Variants in RAB11FIP4 observed in about 807,000 individuals in gnomAD.
The protein encoded by RAB11FIP4 is rab11 family-interacting protein 4.
In RAB11FIP4, 23 loss-of-function variants were observed where a neutral mutation model predicts 74.3. The observed-to-expected ratio is 0.31, with a 90% CI of 0.22 to 0.44. RAB11FIP4 has a LOEUF of 0.44. Among genes scored for constraint, RAB11FIP4 ranks in the 20% least tolerant of loss-of-function variants. The pLI is 1.00. For missense variants in RAB11FIP4, 630 were observed against 863.9 expected (o/e 0.73, Z 3.39); for synonymous variants, 360 against 359.9 (o/e 1.00, Z 0.00).
chr17:31,449,441 CAA>C (rs2071503261), intron 3 of RAB11FIP4, among the ~76,000 whole-genome samples: 1 of 152,174 alleles, frequency 6.6e-6, no homozygotes. Context: ...CTATTTCCTC[CAA>C]AGACTGGTCT....
intron 1 of RAB11FIP4, among the ~76,000 whole-genome samples, chr17:31,398,840 G>A (rs1045998582): frequency 7.2e-5 from 11 of 152,108 alleles, no homozygotes; most frequent in Admixed American, 6.5e-4. Context: ...GCTGGTGGGC[G>A]GGGAGTAGGG....
rs538156237 is a variant in RAB11FIP4 at position 31,522,275 on chromosome 17, G to T, written c.894-85G>T. 3.8e-4 allele frequency: 549 copies of T among 1,427,482 alleles called. 1 individual carries two copies. The highest frequency in any genetic ancestry group is 7.4e-4 in the Admixed American group (41 of 55,670). 88.4% of individuals were successfully genotyped at this position (1,427,482 alleles called of 1,614,324 possible). On this transcript the variant is annotated intron_variant, in intron 6 of 14. Coordinates refer to ENST00000621161, the MANE Select transcript of RAB11FIP4 (RefSeq NM_032932.6). ...CAGTGGGAGGGAAGAGCCTTGTCCTGCACTGTGGTGTCTTACAGCTAGGAC... is the reference window on the plus strand; with the variant it reads ...CAGTGGGAGGGAAGAGCCTTGTCCTTCACTGTGGTGTCTTACAGCTAGGAC...
At chr17:31,430,371 T>TC (rs1481398109) in intron 1 of RAB11FIP4, among the ~76,000 whole-genome samples, 1 of 145,706 alleles carries the variant, frequency 6.9e-6, no homozygotes, top group African/African-American at 2.5e-5. Context: ...TTTTTTTTTT[T>TC]TTTTGAGACA....
chr17:31,444,397 C>T (rs1198753226), intron 3 of RAB11FIP4, among the ~76,000 whole-genome samples: 1 of 151,804 alleles, frequency 6.6e-6, no homozygotes, highest in African/African-American at 2.4e-5. Context: ...TATCCCAAGC[C>T]TCAGAGCTTC....
chr17:31,530,309 C>T lies in RAB11FIP4; in HGVS notation c.1654-17C>T, dbSNP rs369090193. Reference sequence around the variant, plus strand: ...TGCCTCTTGGGGTTGATGTCGCCTTCGTCCTTCTCTCTGTAGGAGAATTAT... The same window carrying T: ...TGCCTCTTGGGGTTGATGTCGCCTTTGTCCTTCTCTCTGTAGGAGAATTAT... On this transcript the variant is annotated splice_polypyrimidine_tract_variant and intron_variant, in intron 13 of 14. Transcript: ENST00000621161. 3.7e-5 allele frequency: 60 copies of T among 1,612,526 alleles called. No homozygotes were observed. The highest frequency in any genetic ancestry group is 1.1e-4 in the African/African-American group (8 of 75,000).
At chr17:31,529,516 C>A (rs1300341153) in intron 13 of RAB11FIP4, among the ~76,000 whole-genome samples, 1 of 152,196 alleles carries the variant, frequency 6.6e-6, no homozygotes, top group African/African-American at 2.4e-5. Context: ...ATCCTCCCAC[C>A]CTTAGTCTTT....
intron 3 of RAB11FIP4, among the ~76,000 whole-genome samples, chr17:31,467,176 G>T (rs2071694046): frequency 6.6e-6 from 1 of 152,032 alleles, no homozygotes. Context: ...GCAGTGGCAT[G>T]ATGTCGGTTC....
intron 3 of RAB11FIP4, among the ~76,000 whole-genome samples, chr17:31,479,727 G>C (rs1390728759): frequency 6.6e-6 from 1 of 152,150 alleles, no homozygotes; most frequent in Non-Finnish European, 1.5e-5. Flanking sequence ...TTTGCCTGGT[G>C]GACAGAGGAG....
chr17:31,430,307 G>C (rs958980885), intron 1 of RAB11FIP4, among the ~76,000 whole-genome samples: 1 of 151,860 alleles, frequency 6.6e-6, no homozygotes, highest in African/African-American at 2.4e-5. Flanking sequence ...GGAGTGGAAG[G>C]GGTCAGATCA....
At chr17:31,519,949 A>T (rs1384352849) in intron 4 of RAB11FIP4, among the ~76,000 whole-genome samples, 1 of 151,970 alleles carries the variant, frequency 6.6e-6, no homozygotes, top group East Asian at 1.9e-4. Context: ...CCCCATCTCT[A>T]CTAAAAATAC....
In RAB11FIP4 at chr17:31,527,843, G is replaced by A. The variant is rs149307417; in HGVS notation, c.1276G>A (p.Val426Met). 2 of 1,604,270 alleles carry A rather than the reference G, an allele frequency of 1.2e-6. No individual in the cohort carries two copies. Among genetic ancestry groups the A allele is most frequent in the East Asian group, 2.2e-5 (1 of 44,696 alleles). ...ATEVELLNAR[V>M]QQLEEENTEL... The stretch of plus-strand genomic sequence containing the variant: ...GATTTGTCTTTCTCCTTTCGCCAGG[G>A]TGCAGCAGTTGGAGGAAGAAAATAC... The change falls in exon 11 of 15, where the codon GTG (valine) becomes ATG (methionine). Residue 426 changes from valine to methionine, a missense_variant and splice_region_variant. Coordinates refer to ENST00000621161, the MANE Select transcript of RAB11FIP4 (RefSeq NM_032932.6).
Position 31,521,917 on chromosome 17 carries a change from C to T in RAB11FIP4, c.761C>T (p.Ala254Val), listed in dbSNP as rs145696920. Reference protein sequence around the residue: ...SDLGSSVSSSAGQTPRKMRHV... With the variant: ...SDLGSSVSSSVGQTPRKMRHV... ...GATTCCTTTCCCTCATGAATCAGTGCGGGGCAGACGCCTAGGAAAATGCGG... is the reference window on the plus strand; with the variant it reads ...GATTCCTTTCCCTCATGAATCAGTGTGGGGCAGACGCCTAGGAAAATGCGG... Residue 254 changes from alanine (A) to valine (V), a missense_variant and splice_region_variant, in exon 6 of 15, where the codon GCG (alanine) becomes GTG (valine). Coordinates refer to ENST00000621161, the MANE Select transcript of RAB11FIP4 (RefSeq NM_032932.6). The T allele has an allele frequency of 1.3e-5, 21 of 1,613,998 alleles. No homozygotes were observed. Among genetic ancestry groups the T allele is most frequent in the Admixed American group, 1.7e-5 (1 of 59,994 alleles).
chr17:31,499,664 C>T (rs2072182103), intron 3 of RAB11FIP4, among the ~76,000 whole-genome samples: 1 of 152,036 alleles, frequency 6.6e-6, no homozygotes, highest in Admixed American at 6.6e-5. Context: ...CACATTTCCC[C>T]ATCTATAAGG....
chr17:31,443,219 C>T (rs1243752185), intron 3 of RAB11FIP4, among the ~76,000 whole-genome samples: 3 of 152,226 alleles, frequency 2.0e-5, no homozygotes, highest in Non-Finnish European at 4.4e-5. Context: ...TGTCGACATT[C>T]TCCACCCTGG....
intron 3 of RAB11FIP4, among the ~76,000 whole-genome samples, chr17:31,496,011 A>G (rs1382866976): frequency 6.6e-6 from 1 of 152,156 alleles, no homozygotes; most frequent in African/African-American, 2.4e-5. Flanking sequence ...GCGGATTATT[A>G]TAATTTGACA....
chr17:31,402,416 G>A (rs2070995888), intron 1 of RAB11FIP4, among the ~76,000 whole-genome samples: 1 of 152,136 alleles, frequency 6.6e-6, no homozygotes, highest in African/African-American at 2.4e-5. Flanking sequence ...GGGCTCAGGA[G>A]CTGGGAGGGT....
chr17:31,416,075 C>T (rs909960490), intron 1 of RAB11FIP4, among the ~76,000 whole-genome samples: 1 of 152,206 alleles, frequency 6.6e-6, no homozygotes, highest in Non-Finnish European at 1.5e-5. Flanking sequence ...GGTACCTTAT[C>T]GAAGCCCAGG....
chr17:31,394,793 G>C (rs1268281873), intron 1 of RAB11FIP4, among the ~76,000 whole-genome samples: 5 of 152,120 alleles, frequency 3.3e-5, no homozygotes. Context: ...AGGGCCCCGA[G>C]GCACTTGTAG....
rs747788992 is a variant in RAB11FIP4 at position 31,522,372 on chromosome 17, G to C, written c.906G>C (p.Lys302Asn). Reference protein sequence around the residue: ...KNLKANSPNRKISSTAFGRQL... With the variant: ...KNLKANSPNRNISSTAFGRQL... Reference sequence around the variant, plus strand: ...TTTCTCTCTCTAGCCCCAACCGAAAGATCTCCAGCACGGCCTTTGGACGGT... The same window carrying C: ...TTTCTCTCTCTAGCCCCAACCGAAACATCTCCAGCACGGCCTTTGGACGGT... Residue 302 changes from lysine to asparagine, a missense_variant, in exon 7 of 15, where the codon AAG becomes AAC. Coordinates refer to ENST00000621161, the MANE Select transcript of RAB11FIP4 (RefSeq NM_032932.6). The C allele has an allele frequency of 6.2e-7, 1 of 1,614,020 alleles. No individual in the cohort carries two copies. Among genetic ancestry groups the C allele is most frequent in the Non-Finnish European group, 8.5e-7 (1 of 1,179,950 alleles).
Sources: gnomAD v4.1 joint callset for allele counts (sites outside exome capture counted in the v4.1 genomes callset) on GRCh38, gnomAD v4.1.1 for gene constraint, MANE v1.5 for transcripts, NCBI Gene and HGNC (gene_info 2026-07-23, HGNC 2026-07-21) for gene names.